TMEM201: variants seen among roughly 807,000 people sequenced by gnomAD.
TMEM201 encodes RP13-15M17.2.
Under a neutral mutation model 63.4 loss-of-function variants are expected in TMEM201, and 26 were observed. The observed-to-expected ratio is 0.41, with a 90% confidence interval of 0.30 to 0.57. The LOEUF (loss-of-function observed/expected upper bound fraction) is 0.57. TMEM201 is among the 20% of genes least tolerant of loss of function. The pLI is 0.29. For synonymous variants in TMEM201, 417 were observed against 421.6 expected, an observed-to-expected ratio of 0.99 and a Z score of 0.14; for missense variants, 794 against 917.7, an observed-to-expected ratio of 0.87 and a Z score of 1.74.
At chr1:9,609,212 T>C (rs541150408) in intron 7 of TMEM201, among the ~76,000 whole-genome samples, 2 of 152,296 alleles carry the variant, frequency 1.3e-5, no homozygotes, top group Non-Finnish European at 2.9e-5. Flanking sequence ...TCCCCTGGCC[T>C]GGTGAGGGGA....
At chr1:9,591,393 T>C (rs1180164371) in intron 1 of TMEM201, among the ~76,000 whole-genome samples, 2 of 152,224 alleles carry the variant, frequency 1.3e-5, no homozygotes, top group Non-Finnish European at 2.9e-5. Context: ...TGGGTGCTCA[T>C]GGAGCCCCTT....
intron 3 of TMEM201, 103 bp downstream of exon 3, chr1:9,597,156 C>G (rs1049962698): frequency 6.7e-6 from 9 of 1,343,758 alleles, no homozygotes; most frequent in Non-Finnish European, 9.0e-6. Context: ...TCCTCTGGCC[C>G]CTGCTCTGCT....
At chr1:9,600,151 G>A (rs1644109123) in intron 4 of TMEM201, among the ~76,000 whole-genome samples, 1 of 152,140 alleles carries the variant, frequency 6.6e-6, no homozygotes, top group South Asian at 2.1e-4. Flanking sequence ...GAGACACAAA[G>A]GGGTGGATAG....
At position 9,598,482 on chromosome 1, in the gene TMEM201, C is replaced by A. The variant is rs775301506; in HGVS notation, c.463C>A (p.His155Asn). Residue 155 changes from histidine (H) to asparagine (N), a missense_variant, in exon 4 of 11, where the codon CAT (histidine) becomes AAT (asparagine). Physicochemically the swap from His to Asn is moderately conservative, Grantham distance 68. Coordinates refer to ENST00000340381, the MANE Select transcript of TMEM201 (RefSeq NM_001130924.3). Reference protein sequence around the residue: ...RYDEEVEVYRHHLEQMYKLCR... With the variant: ...RYDEEVEVYRNHLEQMYKLCR... The stretch of plus-strand genomic sequence containing the variant: ...TGACGAGGAGGTCGAGGTGTACCGG[C>A]ATCACCTGGAGCAGATGTACAAGCT... 6.2e-7 allele frequency: 1 copy of A among 1,613,806 alleles called. No individual in the cohort carries two copies. Among genetic ancestry groups the A allele is most frequent in the South Asian group, 1.1e-5 (1 of 91,088 alleles).
chr1:9,605,653 C>T lies in TMEM201; in HGVS notation c.1161-1904C>T, dbSNP rs924350162. 2.6e-5 allele frequency among the ~76,000 whole-genome samples: 4 copies of T among 151,964 alleles called. No homozygotes were observed. The highest frequency in any genetic ancestry group is 3.8e-4 in the East Asian group (2 of 5,204). On this transcript the variant is annotated intron_variant, in intron 6 of 10. Transcript: ENST00000340381. The surrounding 1 kb of genome is among the most constrained non-coding windows in gnomAD (Gnocchi z 5.7). ...ATATCACAGTGAGGGAGTCAAACTG[C>T]GAAGGAACTCCCCACAGCACCATCT...
chr1:9,601,354 C>A lies in TMEM201; in HGVS notation c.856C>A (p.Leu286Met), dbSNP rs146376987. Residue 286 changes from leucine to methionine, a missense_variant, in exon 5 of 11, where the codon CTG becomes ATG. By Grantham distance (15) the Leu-to-Met change is conservative. Transcript: ENST00000340381. The part of the protein sequence containing the change: ...GLLPEHMAEK[L>M]CEAWAFGQSH... ...ACTCCCCGAGCACATGGCGGAGAAG[C>A]TGTGTGAGGCCTGGGCCTTTGGGCA... The A allele has an allele frequency of 8.1e-6, 13 of 1,607,424 alleles. No individual in the cohort carries two copies. The highest frequency in any genetic ancestry group is 3.3e-5 in the Admixed American group (2 of 60,004).
chr1:9,609,735 T>C (rs1187736076), intron 7 of TMEM201, 105 bp from the exon 8 acceptor site: 3 of 1,156,446 alleles, frequency 2.6e-6, no homozygotes, highest in East Asian at 2.6e-5. Flanking sequence ...TGAAAGCACA[T>C]TTGTAAAGAG....
In TMEM201 at chr1:9,589,945, G is replaced by T. The variant is rs572216215; in HGVS notation, c.113+902G>T. The stretch of plus-strand genomic sequence containing the variant: ...CTTGCCCACTCAGCAGCAAGTGGCA[G>T]AGCTGGGGTTTGAACCCTGATCGTC... On this transcript the variant is annotated intron_variant, in intron 1 of 10. Transcript: ENST00000340381. 3.3e-5 allele frequency among the ~76,000 whole-genome samples: 5 copies of T among 152,368 alleles called. No homozygotes were observed. The South Asian group carries it at 1.0e-3, about 32-fold the overall frequency.
At position 9,597,059 on chromosome 1, in the gene TMEM201, G is replaced by A. The variant is rs774502493; in HGVS notation, c.429+6G>A. On this transcript the variant is annotated splice_donor_region_variant and intron_variant, in intron 3 of 10. Transcript: ENST00000340381. ...CCTTCGCTCCCCGCGAGGAGGTGAG[G>A]CCGGGTTGGGAGGGCAGGGGTCCTG... 6.3e-7 allele frequency: 1 copy of A among 1,596,630 alleles called. No individual in the cohort carries two copies.
rs1644347200 is a variant in TMEM201, at chr1:9,613,077, G to A, written c.1995G>A (p.Leu665=). ...LFTSVFLYQS[L]R is the part of the protein sequence containing the mutation. Reference sequence around the variant, plus strand: ...CCTCGGTGTTTCTGTACCAGAGCCTGCGCTGACCCACCGTTGGAGCCCCTC... The same window carrying A: ...CCTCGGTGTTTCTGTACCAGAGCCTACGCTGACCCACCGTTGGAGCCCCTC... The change falls in exon 11 of 11, where the codon CTG becomes CTA. Residue 665 remains leucine, a synonymous_variant. Coordinates refer to ENST00000340381, the MANE Select transcript of TMEM201 (RefSeq NM_001130924.3). 6.4e-7 allele frequency: 1 copy of A among 1,550,640 alleles called. No homozygotes were observed. Among genetic ancestry groups the A allele is most frequent in the Non-Finnish European group, 8.7e-7 (1 of 1,146,980 alleles).
In TMEM201 at chr1:9,611,840, T is replaced by C; in HGVS notation, c.1853T>C (p.Val618Ala). The change falls in exon 10 of 11, where the codon GTG (valine) becomes GCG (alanine). Residue 618 changes from valine (V) to alanine (A), a missense_variant. Val to Ala is a moderately conservative substitution (Grantham distance 64, BLOSUM62 0). Transcript: ENST00000340381. Reference protein sequence around the residue: ...EDDSSQSSTCVVDTTTRGCSE... With the variant: ...EDDSSQSSTCAVDTTTRGCSE... ...GACTCTTCCCAGTCATCTACCTGTG[T>C]GGTGGACACCACCACCAGGGGCTGC... The C allele has an allele frequency of 6.4e-7, 1 of 1,550,528 alleles. No homozygotes were observed. The highest frequency in any genetic ancestry group is 8.7e-7 in the Non-Finnish European group (1 of 1,146,926).
chr1:9,610,596 GCT>G lies in TMEM201; in HGVS notation c.1561_1562del (p.Leu521AlafsTer38). 1 of 1,550,338 alleles carries G rather than the reference GCT, an allele frequency of 6.5e-7. No individual in the cohort carries two copies. The highest frequency in any genetic ancestry group is 8.7e-7 in the Non-Finnish European group (1 of 1,146,846). ...GCCGGCTCGGTGGCCTCCAGCTCCG[GCT>G]CTCTGCGCCACCGCAGGCCCCTCAT... On this transcript the variant is annotated frameshift_variant, in exon 9 of 11. Coordinates refer to ENST00000340381, the MANE Select transcript of TMEM201 (RefSeq NM_001130924.3). LOFTEE classifies it high-confidence loss of function. The surrounding 1 kb of genome is among the most constrained non-coding windows in gnomAD (Gnocchi z 4.9).
In TMEM201 at chr1:9,597,123, C is replaced by G. The variant is rs370974887; in HGVS notation, c.429+70C>G. 1.3e-5 allele frequency: 19 copies of G among 1,510,416 alleles called. No homozygotes were observed. In the African/African-American group the frequency reaches 1.5e-4, roughly 12 times the overall value. The allele number at this position is 1,510,416 out of a possible 1,614,324, so 93.6% of individuals were successfully genotyped here. On this transcript the variant is annotated intron_variant, in intron 3 of 10. Coordinates refer to ENST00000340381, the MANE Select transcript of TMEM201 (RefSeq NM_001130924.3). ...ATGCTTAGAGCAGCCGGGGGACAGG[C>G]ACGTGCAGGGTGCTGACTCTGGTCC... is the stretch of plus-strand genomic sequence containing the variant.
Position 9,603,739 on chromosome 1 carries a change from G to C in TMEM201, c.1160+1467G>C. The C allele has an allele frequency of 2.0e-6, 2 of 985,438 alleles. No individual in the cohort carries two copies. The highest frequency in any genetic ancestry group is 2.4e-6 in the Non-Finnish European group (2 of 829,928). The allele number at this position is 985,438 out of a possible 1,614,324, so 61.0% of individuals were successfully genotyped here. On this transcript the variant is annotated intron_variant, in intron 6 of 10. Transcript: ENST00000340381. The surrounding 1 kb of genome is among the most constrained non-coding windows in gnomAD (Gnocchi z 4.5). ...TAGAGGCTGCCCCACCCCAGTGATT[G>C]GGTAGCAGCTCACATCCCACCCAGC...
At chr1:9,609,697 G>A (rs970919215) in intron 7 of TMEM201, 143 bp from the exon 8 acceptor site, 3 of 773,028 alleles carry the variant, frequency 3.9e-6, no homozygotes, top group East Asian at 5.6e-5. Flanking sequence ...ACAGCAGTCC[G>A]AGGAATCCGT....
chr1:9,606,030 C>T (rs1335787764), intron 6 of TMEM201, among the ~76,000 whole-genome samples: 1 of 152,254 alleles, frequency 6.6e-6, no homozygotes, highest in Non-Finnish European at 1.5e-5. Context: ...CACAAACTCC[C>T]TCCCATGGAG....
intron 7 of TMEM201, among the ~76,000 whole-genome samples, chr1:9,609,410 C>A (rs186561841): frequency 6.6e-6 from 1 of 152,138 alleles, no homozygotes; most frequent in Non-Finnish European, 1.5e-5. Context: ...AGAGAACAGG[C>A]AGTTGGGGTC....
rs778162518 is a variant in TMEM201, at chr1:9,602,100, C to T, written c.988C>T (p.Leu330=). 1.3e-5 allele frequency: 21 copies of T among 1,613,034 alleles called. No homozygotes were observed. The Admixed American group carries it at 2.7e-4, about 20-fold the overall frequency. Residue 330 remains leucine, a synonymous_variant, in exon 6 of 11, where the codon CTG becomes TTG. Coordinates refer to ENST00000340381, the MANE Select transcript of TMEM201 (RefSeq NM_001130924.3). The stretch of plus-strand genomic sequence containing the variant: ...GAGGATCGATGCCTTCTGCACCTGC[C>T]TGTGGGCCCTGCTGCTGGGGCTGCA... ...LRRIDAFCTC[L]WALLLGLHLA...
At chr1:9,598,676 G>A (rs1302214641) in intron 4 of TMEM201, 51 bp downstream of exon 4, 2 of 1,573,752 alleles carry the variant, frequency 1.3e-6, no homozygotes, top group Non-Finnish European at 1.7e-6. Flanking sequence ...GTTTGTTCAG[G>A]AAACCCTCCC....
Sources: allele counts gnomAD v4.1 joint callset (sites outside exome capture counted in the v4.1 genomes callset), GRCh38; gene constraint gnomAD v4.1.1; non-coding constraint Gnocchi (gnomAD v3.1); transcripts MANE v1.5; gene names NCBI Gene and HGNC (gene_info 2026-07-23, HGNC 2026-07-21).